Variants in NAV1 observed in about 807,000 individuals in gnomAD.
The protein encoded by NAV1 is neuron navigator 1, also known as pore membrane and/or filament interacting like protein 3.
NAV1 carries 18 observed loss-of-function variants against 175.2 expected under a neutral mutation model. The ratio of observed to expected loss-of-function variants is 0.10; its 90% CI spans 0.07 to 0.15. The LOEUF (loss-of-function observed/expected upper bound fraction) is 0.15. Among genes scored for constraint, NAV1 ranks in the 10% least tolerant of loss-of-function variants. The pLI is 1.00. For missense variants in NAV1, 1,731 were observed against 2,436.6 expected, an observed-to-expected ratio of 0.71 and a Z score of 6.10; for synonymous variants, 897 against 978.7, an observed-to-expected ratio of 0.92 and a Z score of 1.56.
rs772844137 is a variant in NAV1, at chr1:201,810,539, C to T, written c.4578C>T (p.Cys1526=). Residue 1526 remains cysteine (C), a synonymous_variant, in exon 24 of 30, where the codon TGC becomes TGT. Transcript: ENST00000367296. The surrounding 1 kb of genome is among the most constrained non-coding windows in gnomAD (Gnocchi z 6.0). ...GGGGTTCAGGTCTGAAGGAGAAATGCGTCGACAGCCTGGTGTTCGAGACGC... is the reference window on the plus strand; with the variant it reads ...GGGGTTCAGGTCTGAAGGAGAAATGTGTCGACAGCCTGGTGTTCGAGACGC... 5.6e-6 allele frequency: 9 copies of T among 1,610,184 alleles called. No homozygotes were observed. Among genetic ancestry groups the T allele is most frequent in the South Asian group, 2.2e-5 (2 of 90,398 alleles).
rs1676930494 is a variant in NAV1 at position 201,788,748 on chromosome 1, G to A, written c.3166+110G>A. The stretch of plus-strand genomic sequence containing the variant: ...CCACCACACACATATATGATTCACA[G>A]AACATCAAGTTGGGCCATTTCAGTT... On this transcript the variant is annotated intron_variant, in intron 10 of 29. Coordinates refer to ENST00000367296, the Ensembl canonical transcript of NAV1. This position sits in a 1 kb window ranked among gnomAD's most constrained non-coding sequence, Gnocchi z 5.7. 1 of 1,291,056 alleles carries A rather than the reference G, an allele frequency of 7.7e-7. No individual in the cohort carries two copies. The highest frequency in any genetic ancestry group is 1.1e-6 in the Non-Finnish European group (1 of 943,174). 80.0% of individuals were successfully genotyped at this position (1,291,056 alleles called of 1,614,324 possible).
chr1:201,601,602 T>G (rs780757806), intron 2 of NAV1, among the ~76,000 whole-genome samples: 4 of 152,040 alleles, frequency 2.6e-5, no homozygotes, highest in Non-Finnish European at 5.9e-5. Flanking sequence ...AAAGAGACCT[T>G]AGAGAGACTC....
chr1:201,586,593 C>T (rs956503564), intron 1 of NAV1, among the ~76,000 whole-genome samples: 1 of 151,924 alleles, frequency 6.6e-6, no homozygotes, highest in Non-Finnish European at 1.5e-5. Context: ...CTGCCTTCTC[C>T]CTGGGTCCTC....
intron 1 of NAV1, 39 bp downstream of exon 3, chr1:201,623,645 C>T: frequency 2.0e-6 from 2 of 986,298 alleles, no homozygotes; most frequent in Non-Finnish European, 2.4e-6. Flanking sequence ...GGGGGAAGAG[C>T]CATGCTGGGA....
At chr1:201,690,778 G>A (rs1670896941) in intron 1 of NAV1, among the ~76,000 whole-genome samples, 1 of 150,338 alleles carries the variant, frequency 6.7e-6, no homozygotes, top group South Asian at 2.1e-4. Flanking sequence ...GTGTGTGTCT[G>A]TTTCCTCCGT....
intron 2 of NAV1, among the ~76,000 whole-genome samples, chr1:201,593,360 C>T (rs1168207505): frequency 2.6e-5 from 4 of 152,188 alleles, no homozygotes; most frequent in Admixed American, 6.5e-5. Flanking sequence ...ATGGGAAAGG[C>T]TAACGCATGC....
rs769470826 is a variant in NAV1, at chr1:201,808,862, G to A, written c.4198G>A (p.Ala1400Thr). ...CACCCATTCCTTCGGCCCCAGTCTT[G>A]CAGACACAGGTACCTGTGTGGGAGA... The change falls in exon 20 of 30, where the codon GCA becomes ACA. Residue 1400 changes from alanine to threonine, a missense_variant. By Grantham distance (58) the Ala-to-Thr change is moderately conservative. Coordinates refer to ENST00000367296, the Ensembl canonical transcript of NAV1. This position sits in a 1 kb window ranked among gnomAD's most constrained non-coding sequence, Gnocchi z 5.5. The A allele has an allele frequency of 1.2e-6, 2 of 1,611,700 alleles. No homozygotes were observed. Among genetic ancestry groups the A allele is most frequent in the Non-Finnish European group, 1.7e-6 (2 of 1,178,650 alleles).
chr1:201,599,002 T>A (rs1667441262), intron 2 of NAV1, among the ~76,000 whole-genome samples: 1 of 152,174 alleles, frequency 6.6e-6, no homozygotes, highest in Non-Finnish European at 1.5e-5. Context: ...CAGAAAACAT[T>A]TCTGGAGCCT....
In NAV1 at chr1:201,812,264, G is replaced by A. The variant is rs1024931411; in HGVS notation, c.5025-201G>A. Among the ~76,000 whole-genome samples the A allele has an allele frequency of 1.3e-5, 2 of 152,208 alleles. No homozygotes were observed. The highest frequency in any genetic ancestry group is 1.5e-5 in the Non-Finnish European group (1 of 68,036). ...GGTCAGTGATGTCAGAAGGTTATCC[G>A]AAGAGGGCTACCAATTTGAGAATCA... On this transcript the variant is annotated intron_variant, in intron 26 of 29. Coordinates refer to ENST00000367296, the Ensembl canonical transcript of NAV1. This position sits in a 1 kb window ranked among gnomAD's most constrained non-coding sequence, Gnocchi z 4.6.
Position 201,794,695 on chromosome 1 carries a change from G to C in NAV1, c.3517+118G>C. ...TATATCAAGTCTCTAGAAGGTGAGG[G>C]CCTTTAGATACCCTTTAGTGTGATG... On this transcript the variant is annotated intron_variant, in intron 15 of 29. Transcript: ENST00000367296. The C allele has an allele frequency of 3.4e-6, 3 of 892,168 alleles. No homozygotes were observed. In the African/African-American group the frequency reaches 5.0e-5, roughly 15 times the overall value. The allele number at this position is 892,168 out of a possible 1,614,324, so 55.3% of individuals were successfully genotyped here.
intron 2 of NAV1, among the ~76,000 whole-genome samples, chr1:201,599,406 C>T (rs1001070108): frequency 6.6e-6 from 1 of 152,212 alleles, no homozygotes; most frequent in Middle Eastern, 3.2e-3. Context: ...TTAACCTCTC[C>T]TTGGACGGCC....
intron 1 of NAV1, among the ~76,000 whole-genome samples, chr1:201,573,311 A>G (rs934606871): frequency 6.6e-6 from 1 of 152,002 alleles, no homozygotes; most frequent in African/African-American, 2.4e-5. Context: ...ATCTCCTGAT[A>G]TGTGTGTGTG....
Position 201,718,862 on chromosome 1 carries a change from G to A in NAV1, c.1226+107G>A. 7.1e-7 allele frequency: 1 copy of A among 1,399,828 alleles called. No homozygotes were observed. The highest frequency in any genetic ancestry group is 9.8e-7 in the Non-Finnish European group (1 of 1,022,208). 86.7% of individuals were successfully genotyped at this position (1,399,828 alleles called of 1,614,324 possible). On this transcript the variant is annotated intron_variant, in intron 3 of 29. Transcript: ENST00000367296. This position sits in a 1 kb window ranked among gnomAD's most constrained non-coding sequence, Gnocchi z 4.8. ...CCCAAAACGGGTTTTGGTTTGCTGT[G>A]CTGCTATGAAAGTACACAAAAGTGT...
intron 4 of NAV1, among the ~76,000 whole-genome samples, 169 bp from the exon 9 acceptor site, chr1:201,780,841 GAT>G (rs1294228278): frequency 3.3e-5 from 5 of 152,096 alleles, no homozygotes; most frequent in African/African-American, 4.8e-5. Flanking sequence ...GAAACCCCGA[GAT>G]ATATGTCATC....
rs1665427802 is a variant in NAV1, at chr1:201,539,161, G to A, written c.-325G>A. ...CCGGGGCCGGCGGCTGCCCTAGTGC[G>A]GGGCCCGAGGCTGGAGTGCGCGGCG... On this transcript the variant is annotated 5_prime_UTR_variant, in exon 1 of 34. Coordinates refer to the NAV1 transcript ENST00000685211. The surrounding 1 kb of genome is among the most constrained non-coding windows in gnomAD (Gnocchi z 5.6). 6.6e-6 allele frequency among the ~76,000 whole-genome samples: 1 copy of A among 152,214 alleles called. No individual in the cohort carries two copies.
intron 3 of NAV1, among the ~76,000 whole-genome samples, chr1:201,726,025 G>A (rs2102504874): frequency 6.6e-6 from 1 of 152,306 alleles, no homozygotes; most frequent in East Asian, 1.9e-4. Context: ...CACAGTAAAG[G>A]AAGCAGTATG....
chr1:201,715,981 T>G (rs1244978713), intron 2 of NAV1, among the ~76,000 whole-genome samples: 1 of 151,712 alleles, frequency 6.6e-6, no homozygotes, highest in African/African-American at 2.4e-5. Flanking sequence ...CAAGCTTAAG[T>G]CTAGAGATGT....
intron 1 of NAV1, among the ~76,000 whole-genome samples, chr1:201,693,697 G>A (rs1671057937): frequency 1.3e-5 from 2 of 152,214 alleles, no homozygotes; most frequent in East Asian, 1.9e-4. Flanking sequence ...AGCAGGGACG[G>A]TCTTTTAGAT....
intron 1 of NAV1, among the ~76,000 whole-genome samples, chr1:201,574,057 TC>T: frequency 6.8e-6 from 1 of 147,230 alleles, no homozygotes; most frequent in East Asian, 2.0e-4. Flanking sequence ...CAGCCCTGTC[TC>T]TAAGAAAAAA....
Sources: allele counts gnomAD v4.1 joint callset (sites outside exome capture counted in the v4.1 genomes callset), GRCh38; gene constraint gnomAD v4.1.1; non-coding constraint Gnocchi (gnomAD v3.1); transcripts MANE v1.5; gene names NCBI Gene and HGNC (gene_info 2026-07-23, HGNC 2026-07-21).